Variants in ABR observed in about 807,000 individuals in gnomAD.
ABR encodes active breakpoint cluster region-related protein.
A neutral mutation model predicts 107.2 loss-of-function variants in ABR; 35 were observed. The ratio of observed to expected loss-of-function variants is 0.33; its 90% confidence interval spans 0.25 to 0.43. ABR has a LOEUF of 0.43. ABR is among the 20% of genes least tolerant of loss of function. ABR has a pLI of 1.00. For missense variants in ABR, 815 were observed against 1,115.2 expected, an observed-to-expected ratio of 0.73 and a Z score of 3.83; for synonymous variants, 498 against 462.0, an observed-to-expected ratio of 1.08 and a Z score of -1.00.
At chr17:1,086,247 T>C (rs191393912) in intron 4 of ABR, among the ~76,000 whole-genome samples, 5 of 152,334 alleles carry the variant, frequency 3.3e-5, no homozygotes, top group Admixed American at 6.5e-5. Context: ...AAATGGCCTA[T>C]GTGTGTGCCC....
rs901221726 is a variant in ABR, at chr17:1,179,298, G to A, written c.61+369C>T. 1.2e-4 allele frequency among the ~76,000 whole-genome samples: 19 copies of A among 152,056 alleles called. 1 individual carries two copies. The highest frequency in any genetic ancestry group is 2.7e-4 in the African/African-American group (11 of 41,406). ...AGAAGCTGCCGGTCCAGGGGCGGGG[G>A]CAGCACCCAGAAGGGCCTCCCTCCC... is the stretch of plus-strand genomic sequence containing the variant. On this transcript the variant is annotated intron_variant, in intron 1 of 22. Transcript: ENST00000302538. The surrounding 1 kb of genome is among the most constrained non-coding windows in gnomAD (Gnocchi z 4.9).
rs1438078560 is a variant in ABR at position 1,179,938 on chromosome 17, A to T, written c.-211T>A. 9 of 263,370 alleles carry T rather than the reference A, an allele frequency of 3.4e-5. No individual in the cohort carries two copies. Among genetic ancestry groups the T allele is most frequent in the Non-Finnish European group, 4.7e-5 (7 of 150,450 alleles). 16.3% of individuals were successfully genotyped at this position (263,370 alleles called of 1,614,324 possible). ...AACCCTCCCGAACCCTCCCGGCCCCAGCGGCCGCGCCGAGCCCAGCTGCGG... is the reference window on the plus strand; with the variant it reads ...AACCCTCCCGAACCCTCCCGGCCCCTGCGGCCGCGCCGAGCCCAGCTGCGG... On this transcript the variant is annotated 5_prime_UTR_variant, in exon 1 of 23. Transcript: ENST00000302538. The surrounding 1 kb of genome is among the most constrained non-coding windows in gnomAD (Gnocchi z 4.9).
intron 1 of ABR, among the ~76,000 whole-genome samples, chr17:1,221,202 C>T (rs764371237): frequency 9.2e-5 from 14 of 152,170 alleles, no homozygotes; most frequent in Non-Finnish European, 1.0e-4. Flanking sequence ...TGGCCATACA[C>T]CCAGATAAAA....
At position 1,011,027 on chromosome 17, in the gene ABR, G is replaced by T; in HGVS notation, c.2102-164C>A. ...CCACAGGTGTCTGTGACTCGGCTCT[G>T]TGGGTCGGGGTTGGGGGAACAGGGA... On this transcript the variant is annotated intron_variant, in intron 19 of 22. Coordinates refer to ENST00000302538, the MANE Select transcript of ABR (RefSeq NM_021962.5). The surrounding 1 kb of genome is among the most constrained non-coding windows in gnomAD (Gnocchi z 4.8). The T allele has an allele frequency of 1.2e-6, 1 of 867,200 alleles. No individual in the cohort carries two copies. The highest frequency in any genetic ancestry group is 1.8e-6 in the Non-Finnish European group (1 of 569,390). 53.7% of individuals were successfully genotyped at this position (867,200 alleles called of 1,614,324 possible).
intron 5 of ABR, among the ~76,000 whole-genome samples, chr17:1,081,347 T>C (rs1253292893): frequency 6.6e-6 from 1 of 152,126 alleles, no homozygotes; most frequent in Non-Finnish European, 1.5e-5. Context: ...AGTGCTGGGA[T>C]TACAGGCGTG....
chr17:1,112,274 C>T (rs2038718664), intron 2 of ABR, among the ~76,000 whole-genome samples: 1 of 152,232 alleles, frequency 6.6e-6, no homozygotes, highest in Admixed American at 6.5e-5. Context: ...GACGTGTGAA[C>T]ACACGAGGCA....
Position 1,092,198 on chromosome 17 carries a change from T to C in ABR, c.346-348A>G, listed in dbSNP as rs573217161. Among the ~76,000 whole-genome samples, 1 of 152,154 alleles carries C rather than the reference T, an allele frequency of 6.6e-6. No homozygotes were observed. Among genetic ancestry groups the C allele is most frequent in the African/African-American group, 2.4e-5 (1 of 41,436 alleles). Reference sequence around the variant, plus strand: ...GCCTGTGCCCCGAGTCATAAGCTCCTTGTCACACTTCAGTGGAAGGGAGGG... The same window carrying C: ...GCCTGTGCCCCGAGTCATAAGCTCCCTGTCACACTTCAGTGGAAGGGAGGG... On this transcript the variant is annotated intron_variant, in intron 3 of 22. Coordinates refer to ENST00000302538, the MANE Select transcript of ABR (RefSeq NM_021962.5). This position sits in a 1 kb window ranked among gnomAD's most constrained non-coding sequence, Gnocchi z 4.6.
upstream of ABR, among the ~76,000 whole-genome samples, chr17:1,180,529 C>T (rs571193703): frequency 6.6e-6 from 1 of 152,208 alleles, no homozygotes; most frequent in Non-Finnish European, 1.5e-5. Context: ...CCCGGGAGGA[C>T]CGAAGTCACG....
rs755471344 is a variant in ABR, at chr17:1,100,706, C to T, written c.276G>A (p.Arg92=). ...CCAAGAACCCCGAGAGAACCAGCTT[C>T]CTCATCTCCAGGCCTTTCCCTGCTT... The part of the protein sequence containing the change: ...GVEAGKGLEM[R]KLVLSGFLAS... The change falls in exon 3 of 23, where the codon AGG becomes AGA. Residue 92 remains arginine (R), a synonymous_variant. Coordinates refer to ENST00000302538, the MANE Select transcript of ABR (RefSeq NM_021962.5). The T allele has an allele frequency of 1.9e-6, 3 of 1,614,062 alleles. No individual in the cohort carries two copies. The South Asian group carries it at 3.3e-5, about 18-fold the overall frequency.
chr17:1,149,864 G>A (rs1024373549), intron 1 of ABR, among the ~76,000 whole-genome samples: 2 of 152,160 alleles, frequency 1.3e-5, no homozygotes, highest in Admixed American at 6.6e-5. Flanking sequence ...GTGTGTCCTG[G>A]GGCAAGTTGC....
chr17:1,091,752 C>A lies in ABR; in HGVS notation c.444G>T (p.Glu148Asp). ...TIFYKIQDIYEIHKEFYDNLC... is the reference protein window; with the variant it reads ...TIFYKIQDIYDIHKEFYDNLC... ...GGTTGTCATAGAACTCCTTGTGGATCTCATAGATGTCCTGGATCTTGTAGA... is the reference window on the plus strand; with the variant it reads ...GGTTGTCATAGAACTCCTTGTGGATATCATAGATGTCCTGGATCTTGTAGA... Residue 148 changes from glutamate (E) to aspartate (D), a missense_variant, in exon 4 of 23, where the codon GAG (glutamate) becomes GAT (aspartate). Around this residue, in one of 5 missense-constraint regions of ABR, gnomAD observed 385 missense variants for 596.9 expected, o/e 0.64. Transcript: ENST00000302538. 6.2e-7 allele frequency: 1 copy of A among 1,614,176 alleles called. No homozygotes were observed. The highest frequency in any genetic ancestry group is 8.5e-7 in the Non-Finnish European group (1 of 1,180,036).
At chr17:1,188,953 A>G (rs926258189), upstream of ABR, among the ~76,000 whole-genome samples, 14 of 152,116 alleles carry the variant, frequency 9.2e-5, no homozygotes, top group Non-Finnish European at 1.8e-4. Flanking sequence ...AGGACATGCA[A>G]ATTTTCCATA....
intron 1 of ABR, among the ~76,000 whole-genome samples, chr17:1,215,528 C>T (rs1171646240): frequency 1.3e-5 from 2 of 152,192 alleles, no homozygotes; most frequent in East Asian, 1.9e-4. Context: ...GACGGAGTCT[C>T]GTTCACTGAG....
chr17:1,185,592 C>T (rs1466755866), intron 1 of ABR, among the ~76,000 whole-genome samples: 1 of 147,242 alleles, frequency 6.8e-6, no homozygotes, highest in Non-Finnish European at 1.5e-5. Flanking sequence ...TTGCAGTGAG[C>T]CGAGATCGTG....
chr17:1,093,969 A>G (rs973942603), intron 3 of ABR, among the ~76,000 whole-genome samples: 1 of 152,196 alleles, frequency 6.6e-6, no homozygotes, highest in African/African-American at 2.4e-5. Flanking sequence ...TCGCCGCGCT[A>G]GAAACAACGG....
intron 1 of ABR, among the ~76,000 whole-genome samples, chr17:1,139,316 A>G (rs1037944296): frequency 1.3e-5 from 2 of 152,160 alleles, no homozygotes; most frequent in Non-Finnish European, 2.9e-5. Context: ...CAGTGGCGCC[A>G]TCTCGGCTCA....
At position 1,010,410 on chromosome 17, in the gene ABR, C is replaced by G. The variant is rs955291583; in HGVS notation, c.2236+319G>C. Reference sequence around the variant, plus strand: ...CTCCTCCTTGGTTCTGGGATGCTGGCTTCTGGCCACTCACCTCAGGGCAGT... The same window carrying G: ...CTCCTCCTTGGTTCTGGGATGCTGGGTTCTGGCCACTCACCTCAGGGCAGT... On this transcript the variant is annotated intron_variant, in intron 20 of 22. Coordinates refer to ENST00000302538, the MANE Select transcript of ABR (RefSeq NM_021962.5). This position sits in a 1 kb window ranked among gnomAD's most constrained non-coding sequence, Gnocchi z 4.1. 7 of 356,874 alleles carry G rather than the reference C, an allele frequency of 2.0e-5. No individual in the cohort carries two copies. Among genetic ancestry groups the G allele is most frequent in the African/African-American group, 1.5e-4 (7 of 48,272 alleles). 22.1% of individuals were successfully genotyped at this position (356,874 alleles called of 1,614,324 possible). A position where few individuals can be genotyped will look rare whatever the true frequency, so the allele number is the denominator to read the frequency against.
exon 1 of ABR, chr17:1,186,887 G>T (rs559471810): frequency 6.6e-6 from 1 of 152,534 alleles, no homozygotes; most frequent in Admixed American, 6.5e-5. Flanking sequence ...ATTCAGTTCA[G>T]TGGCTCCAAT....
Position 1,078,749 on chromosome 17 carries a change from C to A in ABR, c.700+581G>T. 1 of 1,502,468 alleles carries A rather than the reference C, an allele frequency of 6.7e-7. No individual in the cohort carries two copies. Among genetic ancestry groups the A allele is most frequent in the Non-Finnish European group, 8.9e-7 (1 of 1,118,350 alleles). The allele number at this position is 1,502,468 out of a possible 1,614,324, so 93.1% of individuals were successfully genotyped here. A position where few individuals can be genotyped will look rare whatever the true frequency, so the allele number is the denominator to read the frequency against. ...TCTAACCTCCCCGGCCACATCTAAG[C>A]CCACTCCAGCCGGCCCCCAGAGGTG... is the stretch of plus-strand genomic sequence containing the variant. On this transcript the variant is annotated intron_variant, in intron 6 of 22. Coordinates refer to ENST00000302538, the MANE Select transcript of ABR (RefSeq NM_021962.5). The surrounding 1 kb of genome is among the most constrained non-coding windows in gnomAD (Gnocchi z 7.5).
Sources: allele counts gnomAD v4.1 joint callset (sites outside exome capture counted in the v4.1 genomes callset), GRCh38; gene constraint gnomAD v4.1.1; regional missense constraint gnomAD v4.1.1; non-coding constraint Gnocchi (gnomAD v3.1); transcripts MANE v1.5; gene names NCBI Gene and HGNC (gene_info 2026-07-23, HGNC 2026-07-21).